The following ADAM9 variants were observed in gnomAD, a reference collection of about 807,000 sequenced individuals.
The protein encoded by ADAM9 is ADAM metallopeptidase domain 9, also known as disintegrin and metalloproteinase domain-containing protein 9.
ADAM9 carries 54 observed loss-of-function variants against 108.1 expected under a neutral mutation model. That is an observed-to-expected ratio of 0.50 (90% CI 0.40 to 0.63). The LOEUF is 0.63. Among genes scored for constraint, ADAM9 ranks in the 20% least tolerant of loss-of-function variants. The pLI is 0.00. For missense variants in ADAM9, 830 were observed against 997.7 expected, an observed-to-expected ratio of 0.83 and a Z score of 2.26; for synonymous variants, 316 against 336.0, an observed-to-expected ratio of 0.94 and a Z score of 0.65.
At chr8:39,063,043 T>C (rs1265354617) in intron 14 of ADAM9, among the ~76,000 whole-genome samples, 1 of 152,250 alleles carries the variant, frequency 6.6e-6, no homozygotes, top group Non-Finnish European at 1.5e-5. Flanking sequence ...CAACATTCAA[T>C]GCAGACTGTC....
At chr8:39,014,584 T>A (rs1163505007) in intron 4 of ADAM9, 2 of 702,434 alleles carry the variant, frequency 2.8e-6, no homozygotes, top group East Asian at 2.7e-5. Context: ...CAAATTTGGC[T>A]TTCTGTGTTT....
chr8:39,021,816 C>A, intron 8 of ADAM9, 102 bp downstream of exon 8: 1 of 1,004,496 alleles, frequency 1.0e-6, no homozygotes, highest in Non-Finnish European at 1.6e-6. Flanking sequence ...TTTCATAGGG[C>A]CTCAATGACT....
intron 15 of ADAM9, among the ~76,000 whole-genome samples, chr8:39,075,378 A>G (rs1330366932): frequency 6.6e-6 from 1 of 152,200 alleles, no homozygotes; most frequent in Non-Finnish European, 1.5e-5. Flanking sequence ...TTAAAATTGC[A>G]GCTGTCAGGT....
chr8:39,005,068 C>G (rs1836118404), intron 1 of ADAM9, among the ~76,000 whole-genome samples: 1 of 152,194 alleles, frequency 6.6e-6, no homozygotes, highest in African/African-American at 2.4e-5. Context: ...TGGAGTCAGT[C>G]TGGTCTGAGT....
At chr8:39,103,586 C>T in intron 21 of ADAM9, 21 bp from the exon 22 acceptor site, 1 of 1,607,394 alleles carries the variant, frequency 6.2e-7, no homozygotes, top group Non-Finnish European at 8.5e-7. Context: ...ACTCTATTAA[C>T]TATCTCTTTT....
At chr8:39,060,372 C>T (rs1204435978) in intron 14 of ADAM9, among the ~76,000 whole-genome samples, 1 of 152,192 alleles carries the variant, frequency 6.6e-6, no homozygotes, top group African/African-American at 2.4e-5. Flanking sequence ...GGACCTATTG[C>T]AGAGTTTCTC....
chr8:39,005,724 G>A (rs775739309), intron 1 of ADAM9, among the ~76,000 whole-genome samples: 7 of 152,196 alleles, frequency 4.6e-5, no homozygotes, highest in African/African-American at 7.2e-5. Flanking sequence ...TTCTTGAAAC[G>A]TAATTTTTCC....
At position 39,014,589 on chromosome 8, in the gene ADAM9, GTGTTTAT is replaced by G. The variant is rs1414693581; in HGVS notation, c.333+548_333+554del. On this transcript the variant is annotated intron_variant, in intron 4 of 21. Transcript: ENST00000487273. ...TGGCAGATGTCAAATTTGGCTTTCT[GTGTTTAT>G]TACTAGAGCATAAACATTTCTAGTT... is the stretch of plus-strand genomic sequence containing the variant. 4.3e-6 allele frequency: 3 copies of G among 702,254 alleles called. No individual in the cohort carries two copies. The Admixed American group carries it at 6.0e-5, about 14-fold the overall frequency. The allele number at this position is 702,254 out of a possible 1,614,324, so 43.5% of individuals were successfully genotyped here.
At chr8:39,002,210 C>G (rs1386238634) in intron 1 of ADAM9, among the ~76,000 whole-genome samples, 1 of 150,674 alleles carries the variant, frequency 6.6e-6, no homozygotes, top group Admixed American at 6.6e-5. Flanking sequence ...TTTTTATTTT[C>G]TACAGTGGAA....
intron 5 of ADAM9, 94 bp from the exon 6 acceptor site, chr8:39,017,125 A>T: frequency 7.7e-7 from 1 of 1,303,290 alleles, no homozygotes; most frequent in Non-Finnish European, 1.1e-6. Flanking sequence ...ATGCCTACTT[A>T]CACATTTAAG....
chr8:39,051,745 C>A (rs1371806941), intron 12 of ADAM9, among the ~76,000 whole-genome samples: 1 of 152,002 alleles, frequency 6.6e-6, no homozygotes, highest in Non-Finnish European at 1.5e-5. Flanking sequence ...ATTACGATAT[C>A]CTGGACATTT....
chr8:39,091,187 C>A (rs1839342580), intron 19 of ADAM9, 72 bp from the exon 20 acceptor site: 1 of 1,427,782 alleles, frequency 7.0e-7, no homozygotes, highest in Non-Finnish European at 9.9e-7. Context: ...TGGGAAAATG[C>A]AAAATGTGTG....
At chr8:39,006,294 T>G (rs1229110884) in intron 1 of ADAM9, among the ~76,000 whole-genome samples, 2 of 152,184 alleles carry the variant, frequency 1.3e-5, no homozygotes, top group Admixed American at 1.3e-4. Context: ...TAAAAGCTGT[T>G]TATACATGCA....
At chr8:39,041,921 A>G (rs762854988) in intron 11 of ADAM9, 25 bp from the exon 12 acceptor site, 18 of 1,609,732 alleles carry the variant, frequency 1.1e-5, no homozygotes, top group Non-Finnish European at 1.5e-5. Context: ...TGTGACATAG[A>G]TCTTTTTCTT....
rs769086073 is a variant in ADAM9, at chr8:39,077,220, C to G, written c.1698-8C>G. The G allele has an allele frequency of 1.2e-6, 2 of 1,613,730 alleles. No individual in the cohort carries two copies. The highest frequency in any genetic ancestry group is 8.5e-7 in the Non-Finnish European group (1 of 1,179,768). ...ATTTTATGTTGCATTATTTCTCTCT[C>G]TTTATAGGAATGCTTTGTGTGGAAA... On this transcript the variant is annotated splice_region_variant and splice_polypyrimidine_tract_variant and intron_variant, in intron 15 of 21. Transcript: ENST00000487273.
chr8:39,026,957 G>T, intron 11 of ADAM9, 147 bp downstream of exon 11: 185 of 819,958 alleles, frequency 2.3e-4, no homozygotes, highest in Non-Finnish European at 3.0e-4. Flanking sequence ...CCAATGAGAA[G>T]TCTTTTTTTT....
At chr8:39,017,194 T>G in intron 5 of ADAM9, 25 bp from the exon 6 acceptor site, 1 of 1,613,582 alleles carries the variant, frequency 6.2e-7, no homozygotes, top group Non-Finnish European at 8.5e-7. Flanking sequence ...TCTTAAAATT[T>G]GTATACGTGT....
At chr8:39,087,193 C>T (rs1255906542) in intron 18 of ADAM9, among the ~76,000 whole-genome samples, 1 of 152,218 alleles carries the variant, frequency 6.6e-6, no homozygotes, top group African/African-American at 2.4e-5. Context: ...ACCCGAGTGT[C>T]TGTTAACTTT....
At chr8:39,019,372 G>A (rs1050878858) in intron 7 of ADAM9, among the ~76,000 whole-genome samples, 1 of 152,198 alleles carries the variant, frequency 6.6e-6, no homozygotes, top group Non-Finnish European at 1.5e-5. Flanking sequence ...GAAGGGAATA[G>A]TATTAATTTC....
Sources: allele counts gnomAD v4.1 joint callset (sites outside exome capture counted in the v4.1 genomes callset), GRCh38; gene constraint gnomAD v4.1.1; transcripts MANE v1.5; gene names NCBI Gene and HGNC (gene_info 2026-07-23, HGNC 2026-07-21).